Variants in UMAD1 observed in about 807,000 individuals in gnomAD.
The protein encoded by UMAD1 is UBAP1-MVB12-associated (UMA) domain containing 1, also known as UBAP1-MVB12-associated (UMA)-domain containing protein 1.
Under a neutral mutation model 6.1 loss-of-function variants are expected in UMAD1, and 8 were observed. The ratio of observed to expected loss-of-function variants is 1.30; its 90% CI spans 0.76 to 2.35. The LOEUF is 2.35. Among genes scored for constraint, UMAD1 ranks in the 30% most tolerant of loss-of-function variants. The probability of loss-of-function intolerance (pLI) is 0.00; values close to 1 mark genes in which losing one functional copy is unlikely to be tolerated. For synonymous variants in UMAD1, 56 were observed against 31.4 expected (o/e 1.78, Z -2.61); for missense variants, 130 against 78.4 (o/e 1.66, Z -2.49).
At chr7:7,672,898 T>C (rs1779642401) in intron 1 of UMAD1, among the ~76,000 whole-genome samples, 1 of 152,196 alleles carries the variant, frequency 6.6e-6, no homozygotes, top group Non-Finnish European at 1.5e-5. Context: ...GCCTTAGTCT[T>C]ATGAGGCTTA....
intron 3 of UMAD1, among the ~76,000 whole-genome samples, chr7:7,818,487 A>G (rs1287217131): frequency 2.0e-5 from 3 of 152,212 alleles, no homozygotes; most frequent in Non-Finnish European, 4.4e-5. Context: ...ATCAGTCAGA[A>G]TGGCTATTAA....
chr7:7,779,756 C>T (rs1209603127), intron 2 of UMAD1, among the ~76,000 whole-genome samples: 1 of 152,068 alleles, frequency 6.6e-6, no homozygotes, highest in Non-Finnish European at 1.5e-5. Context: ...GGGATCTTCC[C>T]ACCTCAGCCT....
intron 1 of UMAD1, among the ~76,000 whole-genome samples, chr7:7,649,158 CAAA>C (rs34943326): frequency 2.0e-4 from 26 of 128,854 alleles, no homozygotes; most frequent in South Asian, 4.8e-4. Flanking sequence ...GACTCCATCT[CAAA>C]AAAAAAAAAA....
chr7:7,743,582 C>T (rs1421232988), intron 2 of UMAD1, among the ~76,000 whole-genome samples: 4 of 151,696 alleles, frequency 2.6e-5, no homozygotes, highest in African/African-American at 9.7e-5. Context: ...ACTTATAACA[C>T]GTTTTAGATG....
intron 2 of UMAD1, among the ~76,000 whole-genome samples, chr7:7,754,868 A>C (rs1390383940): frequency 6.6e-6 from 1 of 152,186 alleles, no homozygotes; most frequent in Non-Finnish European, 1.5e-5. Context: ...CATACTCTGC[A>C]TCTTAGCTTT....
chr7:7,643,624 A>C (rs1053159472), intron 1 of UMAD1, among the ~76,000 whole-genome samples: 1 of 151,898 alleles, frequency 6.6e-6, no homozygotes, highest in Admixed American at 6.6e-5. Flanking sequence ...AGGCAGGAGA[A>C]TGGCGTGAAC....
chr7:7,714,878 A>G (rs1335107358), intron 2 of UMAD1, among the ~76,000 whole-genome samples: 3 of 126,368 alleles, frequency 2.4e-5, no homozygotes, highest in African/African-American at 9.1e-5. Flanking sequence ...TTTTTAGTTG[A>G]TAGTAACACT....
intron 3 of UMAD1, among the ~76,000 whole-genome samples, chr7:7,872,875 G>A (rs1049001319): frequency 2.0e-5 from 3 of 152,118 alleles, no homozygotes; most frequent in Non-Finnish European, 4.4e-5. Context: ...ACCAGATCTA[G>A]GGAACATTTA....
chr7:7,837,427 A>G (rs1783591639), intron 3 of UMAD1, among the ~76,000 whole-genome samples: 1 of 152,156 alleles, frequency 6.6e-6, no homozygotes, highest in Non-Finnish European at 1.5e-5. Context: ...TGATTGGTGA[A>G]ACAATAATGT....
intron 2 of UMAD1, among the ~76,000 whole-genome samples, chr7:7,752,436 A>G (rs948863392): frequency 4.6e-5 from 7 of 152,142 alleles, no homozygotes; most frequent in Non-Finnish European, 1.0e-4. Context: ...ATTAATGAGT[A>G]TCTTCAGGTC....
At chr7:7,664,882 T>C (rs13221027) in intron 1 of UMAD1, among the ~76,000 whole-genome samples, 97,302 of 152,046 alleles carry the variant, frequency 0.64, 31,549 homozygotes, top group East Asian at 0.86. Flanking sequence ...ATTTGCATAA[T>C]CATGCATTTC....
intron 2 of UMAD1, among the ~76,000 whole-genome samples, chr7:7,724,917 G>A (rs781005049): frequency 6.6e-5 from 10 of 152,132 alleles, no homozygotes; most frequent in Non-Finnish European, 1.3e-4. Flanking sequence ...GAACTTGATT[G>A]CTTTTCACTT....
At chr7:7,679,705 T>C (rs1779856354) in intron 2 of UMAD1, among the ~76,000 whole-genome samples, 1 of 133,476 alleles carries the variant, frequency 7.5e-6, no homozygotes, top group Non-Finnish European at 1.5e-5. Flanking sequence ...ATTTAATTTA[T>C]AGATAAATAT....
chr7:7,769,937 C>T (rs756986098), intron 2 of UMAD1, among the ~76,000 whole-genome samples: 4 of 152,204 alleles, frequency 2.6e-5, no homozygotes, highest in Admixed American at 6.5e-5. Context: ...CAACTTTCCT[C>T]TCACTGTGCT....
chr7:7,757,757 G>A (rs1274728108), intron 2 of UMAD1, among the ~76,000 whole-genome samples: 3 of 152,188 alleles, frequency 2.0e-5, no homozygotes, highest in Non-Finnish European at 4.4e-5. Context: ...GGGATGTTGT[G>A]TGGATTAAGT....
At position 7,719,846 on chromosome 7, in the gene UMAD1, C is replaced by G. The variant is rs549173202; in HGVS notation, c.82+46393C>G. Among the ~76,000 whole-genome samples, 22 of 152,286 alleles carry G rather than the reference C, an allele frequency of 1.4e-4. No individual in the cohort carries two copies. In the South Asian group the frequency reaches 4.1e-3, roughly 29 times the overall value. The stretch of plus-strand genomic sequence containing the variant: ...ATTAAATTGTCTAGACTATTTAATT[C>G]TGTACAAACAAGAGATGGTAAATCA... On this transcript the variant is annotated intron_variant, in intron 2 of 3. Coordinates refer to ENST00000682710, the MANE Select transcript of UMAD1 (RefSeq NM_001302348.2).
intron 2 of UMAD1, among the ~76,000 whole-genome samples, chr7:7,776,802 G>T (rs78738505): frequency 0.045 from 6,804 of 152,076 alleles, 517 homozygotes; most frequent in African/African-American, 0.15. Flanking sequence ...TCTTAAATTC[G>T]TTTTGACTAG....
At chr7:7,748,338 A>C (rs1264152238) in intron 2 of UMAD1, among the ~76,000 whole-genome samples, 1 of 152,052 alleles carries the variant, frequency 6.6e-6, no homozygotes, top group Admixed American at 6.5e-5. Context: ...AATTCCTTAA[A>C]CCAAATTATA....
intron 2 of UMAD1, among the ~76,000 whole-genome samples, chr7:7,771,964 A>G (rs755460545): frequency 3.3e-5 from 5 of 152,168 alleles, no homozygotes; most frequent in Non-Finnish European, 7.4e-5. Context: ...TTGTAGGTAT[A>G]TATATCTATA....
Sources: allele counts gnomAD v4.1 joint callset (sites outside exome capture counted in the v4.1 genomes callset), GRCh38; gene constraint gnomAD v4.1.1; transcripts MANE v1.5; gene names NCBI Gene and HGNC (gene_info 2026-07-23, HGNC 2026-07-21).